Variants in SHPRH observed in about 807,000 individuals in gnomAD.
SHPRH encodes the protein SNF2 histone linker PHD RING helicase.
SHPRH carries 106 observed loss-of-function variants against 202.5 expected under a neutral mutation model. The observed-to-expected ratio is 0.52, with a 90% CI of 0.45 to 0.62. The LOEUF (loss-of-function observed/expected upper bound fraction) is 0.62. SHPRH is among the 20% of genes least tolerant of loss of function. SHPRH has a pLI of 0.00. For synonymous variants in SHPRH, 729 were observed against 686.0 expected, an observed-to-expected ratio of 1.06 and a Z score of -0.98; for missense variants, 1,710 against 2,020.0, an observed-to-expected ratio of 0.85 and a Z score of 2.94.
chr6:145,939,651 G>C (rs1175511553), intron 11 of SHPRH, among the ~76,000 whole-genome samples: 1 of 152,080 alleles, frequency 6.6e-6, no homozygotes, highest in African/African-American at 2.4e-5. Flanking sequence ...TTACAATTTC[G>C]ACAGTTTCCA....
intron 11 of SHPRH, among the ~76,000 whole-genome samples, chr6:145,938,166 GTCATGAGGGTGGAACCCTCA>G (rs1486571135): frequency 1.2e-3 from 186 of 152,182 alleles, no homozygotes; most frequent in African/African-American, 4.3e-3. Context: ...ATGTGACTCA[GTCATGAGGGTGGAACCCTCA>G]TGAGTGGATT....
chr6:145,898,146 T>C (rs1319257599), intron 25 of SHPRH, among the ~76,000 whole-genome samples: 1 of 152,100 alleles, frequency 6.6e-6, no homozygotes, highest in Non-Finnish European at 1.5e-5. Flanking sequence ...AAGCAATGAA[T>C]TTAGTGAAGT....
rs554306254 is a variant in SHPRH, at chr6:145,910,484, T to C, written c.4479A>G (p.Ser1493=). ...SHKEISYVFT[S]EKANQEEDIP... ...TGTCCTCCTCCTGGTTTGCTTTCTC[T>C]GAGGTAAAGACATACGAGATTTCTT... The change falls in exon 25 of 30, where the codon TCA becomes TCG. Residue 1493 remains serine (S), a synonymous_variant. Transcript: ENST00000275233. The C allele has an allele frequency of 6.2e-7, 1 of 1,613,010 alleles. No homozygotes were observed. The highest frequency in any genetic ancestry group is 2.2e-5 in the East Asian group (1 of 44,840).
chr6:145,881,786 A>G (rs962432796), downstream of SHPRH: 1 of 152,170 alleles, frequency 6.6e-6, no homozygotes, highest in African/African-American at 2.4e-5. Context: ...GAAAAAAAGG[A>G]AGTAAGGAAT....
chr6:145,895,193 G>C lies in SHPRH; in HGVS notation c.4516-216C>G, dbSNP rs17075446. On this transcript the variant is annotated intron_variant, in intron 25 of 29. Transcript: ENST00000275233. ...TCATTAAATTTACACCCAGACATTT[G>C]AATGTAAAAGCATGCCAGAAAGTCA... is the stretch of plus-strand genomic sequence containing the variant. Among the ~76,000 whole-genome samples, 636 of 152,100 alleles carry C rather than the reference G, an allele frequency of 4.2e-3. 17 individuals carry two copies. In the East Asian group the frequency reaches 0.071, roughly 17 times the overall value.
chr6:145,876,218 C>T (rs1780293377), intron 2 of SHPRH, among the ~76,000 whole-genome samples: 1 of 151,962 alleles, frequency 6.6e-6, no homozygotes, highest in South Asian at 2.1e-4. Flanking sequence ...TAAAGATTTG[C>T]CTGTTCTTAT....
At chr6:145,880,004 C>G (rs552348191), downstream of SHPRH, among the ~76,000 whole-genome samples, 1 of 151,700 alleles carries the variant, frequency 6.6e-6, no homozygotes, top group South Asian at 2.1e-4. Context: ...ATTCTTCACG[C>G]CTTCTCTACC....
rs1003717882 is a variant in SHPRH, at chr6:145,922,720, T to G, written c.3662A>C (p.Asn1221Thr). The change falls in exon 19 of 30, where the codon AAT becomes ACT. Residue 1221 changes from asparagine to threonine, a missense_variant. Transcript: ENST00000275233. ...VKNLEGPPSR[N>T]VIESATVCHL... ...ACAGACTGTTGCAGACTCAATAACA[T>G]TACGAGATGGAGGTCCCTCCAGGTT... 1 of 1,612,170 alleles carries G rather than the reference T, an allele frequency of 6.2e-7. No individual in the cohort carries two copies.
chr6:145,910,335 G>T, intron 25 of SHPRH, 113 bp downstream of exon 25: 2 of 1,197,630 alleles, frequency 1.7e-6, no homozygotes, highest in Non-Finnish European at 2.4e-6. Flanking sequence ...CAACAGTGGC[G>T]TCTACCTATT....
intron 11 of SHPRH, 22 bp from the exon 12 acceptor site, chr6:145,935,463 C>T (rs1785968759): frequency 3.1e-6 from 5 of 1,610,942 alleles, no homozygotes; most frequent in Non-Finnish European, 4.2e-6. Flanking sequence ...AAATAAAATA[C>T]ATTGAGGATA....
chr6:145,935,753 T>G lies in SHPRH; in HGVS notation c.2570-312A>C, dbSNP rs189620103. The G allele has an allele frequency of 1.4e-3, 312 of 225,804 alleles. 2 individuals are homozygous for G. The highest frequency in any genetic ancestry group is 7.9e-3 in the Middle Eastern group (5 of 630). 14.0% of individuals were successfully genotyped at this position (225,804 alleles called of 1,614,324 possible). On this transcript the variant is annotated intron_variant, in intron 11 of 29. Transcript: ENST00000275233. Reference sequence around the variant, plus strand: ...TAAACCAAAAAACCACTCAACTGAATGTACTTGGTAAGACATATATAAGAA... The same window carrying G: ...TAAACCAAAAAACCACTCAACTGAAGGTACTTGGTAAGACATATATAAGAA...
intron 11 of SHPRH, 111 bp from the exon 12 acceptor site, chr6:145,935,552 A>G (rs1785979306): frequency 9.8e-7 from 1 of 1,020,012 alleles, no homozygotes; most frequent in Non-Finnish European, 1.4e-6. Context: ...ATGAATTAAA[A>G]TACAGGCTGT....
chr6:145,923,295 T>C (rs1467243176), intron 18 of SHPRH, among the ~76,000 whole-genome samples: 1 of 151,732 alleles, frequency 6.6e-6, no homozygotes, highest in African/African-American at 2.4e-5. Context: ...GTATATATAC[T>C]TAATTAAATC....
At chr6:145,962,275 T>G (rs1034551825) in intron 1 of SHPRH, among the ~76,000 whole-genome samples, 2 of 152,148 alleles carry the variant, frequency 1.3e-5, no homozygotes, top group Non-Finnish European at 2.9e-5. Context: ...TAGTATCCTA[T>G]TCAGTGTTGT....
At chr6:145,952,627 C>T in intron 2 of SHPRH, 149 bp from the exon 3 acceptor site, 9 of 617,046 alleles carry the variant, frequency 1.5e-5, no homozygotes, top group Non-Finnish European at 2.0e-5. Context: ...TACCAAATTT[C>T]CCCCACGTGT....
Position 145,946,355 on chromosome 6 carries a change from C to T in SHPRH, c.1213-14G>A. On this transcript the variant is annotated splice_polypyrimidine_tract_variant and intron_variant, in intron 6 of 29. Transcript: ENST00000275233. ...CACCACTTTTCCCTGATACAAACAA[C>T]AGTCAGTAGTTACACAGTGTTTTGC... 1 of 1,581,622 alleles carries T rather than the reference C, an allele frequency of 6.3e-7. No homozygotes were observed. Among genetic ancestry groups the T allele is most frequent in the African/African-American group, 1.4e-5 (1 of 74,000 alleles).
intron 3 of SHPRH, 26 bp downstream of exon 3, chr6:145,952,323 A>AT: frequency 6.4e-7 from 1 of 1,564,776 alleles, no homozygotes. Context: ...AGTAATAGCA[A>AT]TTTTTAAGTT....
chr6:145,944,390 A>T (rs1787137421), intron 8 of SHPRH, among the ~76,000 whole-genome samples: 1 of 152,178 alleles, frequency 6.6e-6, no homozygotes, highest in Admixed American at 6.6e-5. Flanking sequence ...GAGAACAGTA[A>T]AAAGTAAAAT....
chr6:145,875,825 C>CAGAT (rs1780275749), intron 2 of SHPRH, among the ~76,000 whole-genome samples: 1 of 152,134 alleles, frequency 6.6e-6, no homozygotes. Flanking sequence ...CTGTGGCTGC[C>CAGAT]AGATATCAGT....
Sources: allele counts gnomAD v4.1 joint callset (sites outside exome capture counted in the v4.1 genomes callset), GRCh38; gene constraint gnomAD v4.1.1; transcripts MANE v1.5; gene names NCBI Gene and HGNC (gene_info 2026-07-23, HGNC 2026-07-21).